The following SPTLC2 variants were observed in gnomAD, a reference collection of about 807,000 sequenced individuals.
SPTLC2 encodes the protein serine palmitoyltransferase long chain base subunit 2, also known as serine palmitoyltransferase 2.
In SPTLC2, 21 loss-of-function variants were observed where a neutral mutation model predicts 62.0. The ratio of observed to expected loss-of-function variants is 0.34; its 90% CI spans 0.24 to 0.49. SPTLC2 has a LOEUF of 0.49. SPTLC2 is among the 20% of genes least tolerant of loss of function. The pLI, the probability that SPTLC2 is intolerant of heterozygous loss-of-function variation, is 0.99. For missense variants in SPTLC2, 511 were observed against 713.0 expected, an observed-to-expected ratio of 0.72 and a Z score of 3.23; for synonymous variants, 261 against 261.8, an observed-to-expected ratio of 1.00 and a Z score of 0.03.
chr14:77,564,317 GAGA>G (rs1225753984), intron 5 of SPTLC2, among the ~76,000 whole-genome samples: 2 of 149,292 alleles, frequency 1.3e-5, no homozygotes, highest in African/African-American at 2.5e-5. Context: ...GGAGGAGAAG[GAGA>G]AGAAGGAGAA....
intron 1 of SPTLC2, among the ~76,000 whole-genome samples, chr14:77,602,748 A>T (rs1401749401): frequency 1.3e-5 from 2 of 152,004 alleles, no homozygotes; most frequent in Non-Finnish European, 2.9e-5. Context: ...ATATTTACTG[A>T]TTTATTGTAG....
intron 5 of SPTLC2, among the ~76,000 whole-genome samples, chr14:77,569,659 C>G (rs949084206): frequency 6.7e-6 from 1 of 150,356 alleles, no homozygotes; most frequent in Non-Finnish European, 1.5e-5. Flanking sequence ...AATAAATAAC[C>G]TCAAGGGGCC....
At chr14:77,614,821 T>C (rs1377497784) in intron 1 of SPTLC2, among the ~76,000 whole-genome samples, 1 of 130,016 alleles carries the variant, frequency 7.7e-6, no homozygotes, top group African/African-American at 2.9e-5. Context: ...AAATACAAAA[T>C]TTAGCCGGGC....
intron 5 of SPTLC2, among the ~76,000 whole-genome samples, chr14:77,564,132 G>A (rs1356988195): frequency 2.0e-5 from 3 of 151,110 alleles, no homozygotes; most frequent in Non-Finnish European, 2.9e-5. Flanking sequence ...GGTGGCAGGC[G>A]CCTCAAATCT....
intron 9 of SPTLC2, among the ~76,000 whole-genome samples, chr14:77,540,053 A>C (rs1229172334): frequency 6.6e-6 from 1 of 152,056 alleles, no homozygotes; most frequent in African/African-American, 2.4e-5. Flanking sequence ...AAAATGAGCC[A>C]GGTGTGGTGA....
chr14:77,591,502 T>C (rs1370439403), intron 2 of SPTLC2, among the ~76,000 whole-genome samples: 3 of 152,202 alleles, frequency 2.0e-5, no homozygotes, highest in Admixed American at 2.0e-4. Flanking sequence ...TTAAAAAGAC[T>C]ACTGCTGTCC....
intron 5 of SPTLC2, among the ~76,000 whole-genome samples, chr14:77,569,850 A>AAAATATTAATATTT (rs2079669704): frequency 3.1e-5 from 1 of 32,264 alleles, no homozygotes; most frequent in Non-Finnish European, 9.3e-5. Flanking sequence ...AATATTATAT[A>AAAATATTAATATTT]TATGTATATA....
chr14:77,518,016 C>A lies in SPTLC2; in HGVS notation c.1569+22G>T, dbSNP rs777397520. 32 of 1,614,044 alleles carry A rather than the reference C, an allele frequency of 2.0e-5. No homozygotes were observed. In the Middle Eastern group the frequency reaches 1.5e-3, roughly 75 times the overall value. On this transcript the variant is annotated intron_variant, in intron 11 of 11. Coordinates refer to ENST00000216484, the MANE Select transcript of SPTLC2 (RefSeq NM_004863.4). ...CTTTTAATAAAAGGCATATTTATAT[C>A]AAGGTGAAAGTGCCTACTTACAGTA...
At chr14:77,562,722 C>T (rs1298902525) in intron 5 of SPTLC2, among the ~76,000 whole-genome samples, 1 of 152,174 alleles carries the variant, frequency 6.6e-6, no homozygotes, top group Non-Finnish European at 1.5e-5. Flanking sequence ...TCTTCAGTCC[C>T]ATGACTGATG....
At chr14:77,599,356 T>C (rs902665541) in intron 1 of SPTLC2, among the ~76,000 whole-genome samples, 13 of 152,210 alleles carry the variant, frequency 8.5e-5, no homozygotes, top group Non-Finnish European at 1.5e-5. Context: ...GGCAATCTGA[T>C]CAGAGATACG....
intron 2 of SPTLC2, among the ~76,000 whole-genome samples, chr14:77,587,825 A>G (rs2079790886): frequency 6.6e-6 from 1 of 151,118 alleles, no homozygotes; most frequent in East Asian, 1.9e-4. Flanking sequence ...AGTACTACTA[A>G]AAGATTTCAA....
At chr14:77,549,110 G>A (rs1448807432) in intron 9 of SPTLC2, among the ~76,000 whole-genome samples, 1 of 152,062 alleles carries the variant, frequency 6.6e-6, no homozygotes, top group African/African-American at 2.4e-5. Context: ...GGATCATGGG[G>A]AGGATCCTCG....
At chr14:77,577,077 A>C (rs2079720510) in intron 3 of SPTLC2, among the ~76,000 whole-genome samples, 162 bp from the exon 4 acceptor site, 1 of 152,124 alleles carries the variant, frequency 6.6e-6, no homozygotes, top group Admixed American at 6.6e-5. Context: ...TAAAATAATC[A>C]ATTTTCATTT....
intron 9 of SPTLC2, among the ~76,000 whole-genome samples, chr14:77,522,534 T>C (rs2079389871): frequency 6.6e-6 from 1 of 152,210 alleles, no homozygotes; most frequent in African/African-American, 2.4e-5. Flanking sequence ...TTTAATCCTA[T>C]TTTGCTCATC....
At chr14:77,545,732 G>T (rs2140012375) in intron 9 of SPTLC2, among the ~76,000 whole-genome samples, 1 of 152,296 alleles carries the variant, frequency 6.6e-6, no homozygotes, top group South Asian at 2.1e-4. Context: ...TTCCAATTAT[G>T]TGAAGGTTTA....
intron 10 of SPTLC2, among the ~76,000 whole-genome samples, chr14:77,519,221 G>T (rs1341166088): frequency 6.6e-6 from 1 of 151,936 alleles, no homozygotes; most frequent in Non-Finnish European, 1.5e-5. Flanking sequence ...CGTATTTTTA[G>T]TAGAGACGGG....
intron 9 of SPTLC2, among the ~76,000 whole-genome samples, chr14:77,532,534 C>T (rs1288803484): frequency 6.6e-6 from 1 of 152,092 alleles, no homozygotes; most frequent in Non-Finnish European, 1.5e-5. Context: ...CCTGTAAACC[C>T]AGCACTTTGG....
intron 5 of SPTLC2, among the ~76,000 whole-genome samples, chr14:77,569,566 A>G (rs1052450899): frequency 2.6e-5 from 4 of 151,802 alleles, no homozygotes; most frequent in Non-Finnish European, 5.9e-5. Flanking sequence ...TAAACAACCA[A>G]AAAACAAAAA....
intron 11 of SPTLC2, among the ~76,000 whole-genome samples, chr14:77,515,792 G>T (rs1027188068): frequency 6.6e-6 from 1 of 152,104 alleles, no homozygotes; most frequent in African/African-American, 2.4e-5. Context: ...CTCCCAAAGT[G>T]CTGGGATTAC....
Sources: gnomAD v4.1 joint callset for allele counts (sites outside exome capture counted in the v4.1 genomes callset) on GRCh38, gnomAD v4.1.1 for gene constraint, MANE v1.5 for transcripts, NCBI Gene and HGNC (gene_info 2026-07-23, HGNC 2026-07-21) for gene names.